ABCA12: variants seen among roughly 807,000 people sequenced by gnomAD.
The protein encoded by ABCA12 is glucosylceramide transporter ABCA12.
A neutral mutation model predicts 293.5 loss-of-function variants in ABCA12; 156 were observed. That is an observed-to-expected ratio of 0.53 (90% CI 0.47 to 0.61). The LOEUF is 0.61. Among genes scored for constraint, ABCA12 ranks in the 20% least tolerant of loss-of-function variants. ABCA12 has a pLI of 0.00. For missense variants in ABCA12, 2,797 were observed against 3,090.2 expected (o/e 0.91, Z 2.25); for synonymous variants, 1,063 against 1,108.0 (o/e 0.96, Z 0.81).
chr2:214,978,583 C>A, intron 32 of ABCA12, 117 bp from the exon 33 acceptor site: 1 of 1,319,344 alleles, frequency 7.6e-7, no homozygotes, highest in Non-Finnish European at 1.1e-6. Context: ...TTTTTCCCGT[C>A]TGACTTCAAG....
At chr2:214,968,893 T>A in intron 37 of ABCA12, 86 bp from the exon 38 acceptor site, 3 of 1,193,848 alleles carry the variant, frequency 2.5e-6, no homozygotes, top group Non-Finnish European at 3.7e-6. Context: ...GGAGCTCAAC[T>A]TTTTGTTTCT....
chr2:214,980,963 T>C (rs1429854873), intron 30 of ABCA12, among the ~76,000 whole-genome samples: 1 of 151,882 alleles, frequency 6.6e-6, no homozygotes, highest in Non-Finnish European at 1.5e-5. Flanking sequence ...CGGATGCCTA[T>C]AATCCCAGCT....
chr2:214,976,082 T>G, intron 33 of ABCA12, 45 bp from the exon 34 acceptor site: 1 of 1,611,298 alleles, frequency 6.2e-7, no homozygotes, highest in Non-Finnish European at 8.5e-7. Context: ...GAAATCTTGA[T>G]AAGCAATAAA....
In ABCA12 at chr2:215,018,096, A is replaced by C. The variant is rs756445658; in HGVS notation, c.1694T>G (p.Leu565Arg). 9.0e-5 allele frequency: 145 copies of C among 1,613,806 alleles called. 1 individual carries two copies. The highest frequency in any genetic ancestry group is 1.1e-4 in the Non-Finnish European group (134 of 1,179,958). ...LLEMFKNVEELKEDLRRTTGM... is the reference protein window; with the variant it reads ...LLEMFKNVEERKEDLRRTTGM... ...TGTTGTTCTCCTTAAATCTTCTTTC[A>C]GCTCTTCAACATTTTTAAACATTTC... is the stretch of plus-strand genomic sequence containing the variant. Residue 565 changes from leucine to arginine, a missense_variant, in exon 14 of 53, where the codon CTG (leucine) becomes CGG (arginine). Transcript: ENST00000272895.
intron 38 of ABCA12, among the ~76,000 whole-genome samples, chr2:214,968,364 G>A (rs1699310914): frequency 6.6e-6 from 1 of 151,934 alleles, no homozygotes; most frequent in South Asian, 2.1e-4. Context: ...ATAATGTTTG[G>A]GAGATTTAAC....
intron 31 of ABCA12, 57 bp from the exon 32 acceptor site, chr2:214,979,097 A>T: frequency 6.7e-7 from 1 of 1,493,720 alleles, no homozygotes; most frequent in Admixed American, 1.7e-5. Context: ...ATAGTGCTCC[A>T]GGCCCTAATC....
intron 38 of ABCA12, among the ~76,000 whole-genome samples, chr2:214,967,525 A>T (rs1362537436): frequency 6.6e-6 from 1 of 152,140 alleles, no homozygotes; most frequent in Non-Finnish European, 1.5e-5. Flanking sequence ...AAGAAACCCA[A>T]TTACTAATTC....
chr2:214,959,556 G>T (rs1399273148), intron 39 of ABCA12, among the ~76,000 whole-genome samples: 1 of 152,132 alleles, frequency 6.6e-6, no homozygotes, highest in African/African-American at 2.4e-5. Flanking sequence ...TGGGGAAATA[G>T]TGTAGCCTGA....
At chr2:215,135,173 GTTC>G (rs1447648187) in intron 1 of ABCA12, among the ~76,000 whole-genome samples, 1 of 152,050 alleles carries the variant, frequency 6.6e-6, no homozygotes, top group Non-Finnish European at 1.5e-5. Context: ...TGGCCAGGCT[GTTC>G]TTGAACTCCT....
At chr2:214,990,605 A>T in intron 24 of ABCA12, 97 bp downstream of exon 24, 1 of 1,275,338 alleles carries the variant, frequency 7.8e-7, no homozygotes, top group Non-Finnish European at 1.1e-6. Flanking sequence ...ATTTCAAATT[A>T]AGATAAGTGA....
At chr2:214,964,997 C>G (rs1343056129) in intron 39 of ABCA12, among the ~76,000 whole-genome samples, 1 of 152,070 alleles carries the variant, frequency 6.6e-6, no homozygotes, top group Non-Finnish European at 1.5e-5. Flanking sequence ...CTATAGTAAT[C>G]AAAAAAGCAT....
intron 7 of ABCA12, among the ~76,000 whole-genome samples, chr2:215,041,498 G>C (rs1701100023): frequency 6.8e-6 from 1 of 148,038 alleles, no homozygotes; most frequent in Admixed American, 6.7e-5. Flanking sequence ...GTTGCAGTGA[G>C]CCAAGATCGT....
At chr2:215,034,512 G>A (rs1356931125) in intron 8 of ABCA12, among the ~76,000 whole-genome samples, 1 of 152,236 alleles carries the variant, frequency 6.6e-6, no homozygotes, top group Non-Finnish European at 1.5e-5. Flanking sequence ...GACTAAAAGT[G>A]TGGGCTCTTC....
At chr2:214,979,225 T>C (rs7593044) in intron 31 of ABCA12, among the ~76,000 whole-genome samples, 185 bp from the exon 32 acceptor site, 83,821 of 151,578 alleles carry the variant, frequency 0.55, 23,715 homozygotes, top group Non-Finnish European at 0.62. Context: ...CATTCTCCCA[T>C]GTCACGCTGT....
rs994819419 is a variant in ABCA12 at position 214,972,558 on chromosome 2, C to T, written c.5562+1391G>A. On this transcript the variant is annotated intron_variant, in intron 36 of 52. Coordinates refer to ENST00000272895, the MANE Select transcript of ABCA12 (RefSeq NM_173076.3). ...AAGTAGCTGGGACTACACGTGCACA[C>T]CACTACACCCAGCTAATTTTTAAAT... 1.3e-5 allele frequency among the ~76,000 whole-genome samples: 2 copies of T among 152,004 alleles called. 1 individual carries two copies. The highest frequency in any genetic ancestry group is 2.9e-5 in the Non-Finnish European group (2 of 67,998).
At chr2:214,956,601 A>G (rs1698955822) in intron 42 of ABCA12, 62 bp downstream of exon 42, 5 of 1,222,688 alleles carry the variant, frequency 4.1e-6, no homozygotes, top group African/African-American at 1.5e-5. Flanking sequence ...TTTAAGTCCT[A>G]TTTGTGTCTA....
chr2:215,131,339 AT>A (rs1377122278), intron 1 of ABCA12, among the ~76,000 whole-genome samples: 1 of 151,810 alleles, frequency 6.6e-6, no homozygotes, highest in Admixed American at 6.6e-5. Context: ...ATCTGGTAAA[AT>A]TTGGCCATGA....
chr2:214,991,716 A>C (rs1243055318), intron 23 of ABCA12, among the ~76,000 whole-genome samples: 1 of 152,212 alleles, frequency 6.6e-6, no homozygotes, highest in Non-Finnish European at 1.5e-5. Flanking sequence ...GAGATCCTCT[A>C]TACCTCTCTC....
At chr2:214,979,852 G>A (rs1445735670) in intron 31 of ABCA12, among the ~76,000 whole-genome samples, 3 of 152,254 alleles carry the variant, frequency 2.0e-5, no homozygotes, top group Non-Finnish European at 4.4e-5. Flanking sequence ...AAAATAAATG[G>A]AGGTAGTTGA....
Sources: allele counts gnomAD v4.1 joint callset (sites outside exome capture counted in the v4.1 genomes callset), GRCh38; gene constraint gnomAD v4.1.1; transcripts MANE v1.5; gene names NCBI Gene and HGNC (gene_info 2026-07-23, HGNC 2026-07-21).